The following NME7 variants were observed in gnomAD, a reference collection of about 807,000 sequenced individuals.
NME7 encodes the protein nucleoside diphosphate kinase 7.
In NME7, 41 loss-of-function variants were observed where a neutral mutation model predicts 49.1. The observed-to-expected ratio is 0.83, with a 90% CI of 0.65 to 1.08. The LOEUF is 1.08. Ranked by LOEUF, NME7 falls within the 50% of genes least tolerant of loss-of-function variation. The pLI is 0.00. For synonymous variants in NME7, 139 were observed against 150.6 expected, an observed-to-expected ratio of 0.92 and a Z score of 0.56; for missense variants, 423 against 463.4, an observed-to-expected ratio of 0.91 and a Z score of 0.80.
At chr1:169,216,634 A>G (rs1176848490) in intron 10 of NME7, among the ~76,000 whole-genome samples, 4 of 152,248 alleles carry the variant, frequency 2.6e-5, no homozygotes, top group Non-Finnish European at 5.9e-5. Flanking sequence ...ATTTATAGCA[A>G]GTCAGTAAAA....
intron 3 of NME7, among the ~76,000 whole-genome samples, chr1:169,320,665 C>T (rs1051632815): frequency 2.6e-5 from 4 of 152,006 alleles, no homozygotes; most frequent in Non-Finnish European, 4.4e-5. Flanking sequence ...ATTTAAATCA[C>T]CCAAATGGTT....
rs894606390 is a variant in NME7 at position 169,321,674 on chromosome 1, C to A, written c.278+1443G>T. Among the ~76,000 whole-genome samples, 10 of 152,100 alleles carry A rather than the reference C, an allele frequency of 6.6e-5. 1 individual carries two copies. Among genetic ancestry groups the A allele is most frequent in the African/African-American group, 2.4e-4 (10 of 41,414 alleles). On this transcript the variant is annotated intron_variant, in intron 3 of 11. Coordinates refer to ENST00000367811, the MANE Select transcript of NME7 (RefSeq NM_013330.5). ...ATCCATCACCATTTGTGTACTAACA[C>A]CCACACTAAGAATCCAATCACCTCA...
At chr1:169,200,483 A>C (rs1441980656) in intron 10 of NME7, among the ~76,000 whole-genome samples, 1 of 152,110 alleles carries the variant, frequency 6.6e-6, no homozygotes, top group Non-Finnish European at 1.5e-5. Context: ...TGTCCCTCCC[A>C]AGGCCAGCCA....
intron 10 of NME7, among the ~76,000 whole-genome samples, chr1:169,187,574 T>G (rs1157872430): frequency 6.6e-6 from 1 of 152,018 alleles, no homozygotes; most frequent in Admixed American, 6.6e-5. Context: ...CGAACCCTGC[T>G]TTTTTATTTT....
chr1:169,304,158 C>G (rs545216114), intron 4 of NME7, among the ~76,000 whole-genome samples: 1 of 152,096 alleles, frequency 6.6e-6, no homozygotes, highest in South Asian at 2.1e-4. Context: ...TTTATATTAC[C>G]ACTAAAGAAT....
chr1:169,264,966 A>G (rs1391150858), intron 7 of NME7, among the ~76,000 whole-genome samples: 2 of 133,348 alleles, frequency 1.5e-5, no homozygotes, highest in Non-Finnish European at 3.5e-5. Context: ...GGAAGCAAAC[A>G]TGTCCTTCAC....
At chr1:169,295,544 T>G (rs1650676204) in intron 6 of NME7, among the ~76,000 whole-genome samples, 1 of 152,188 alleles carries the variant, frequency 6.6e-6, no homozygotes. Flanking sequence ...TGTCTACTAC[T>G]AAGATATGGT....
At chr1:169,228,867 G>T (rs1175412593) in intron 10 of NME7, among the ~76,000 whole-genome samples, 1 of 151,896 alleles carries the variant, frequency 6.6e-6, no homozygotes, top group Non-Finnish European at 1.5e-5. Context: ...TCTCTCAATG[G>T]CCTTTGCAAC....
chr1:169,324,532 A>G, intron 1 of NME7, 32 bp from the exon 2 acceptor site: 1 of 1,338,428 alleles, frequency 7.5e-7, no homozygotes, highest in East Asian at 2.3e-5. Context: ...TTTTAACACT[A>G]ACATATAAAG....
intron 5 of NME7, chr1:169,302,138 T>A (rs1307580120): frequency 1.3e-5 from 2 of 151,032 alleles, no homozygotes; most frequent in Non-Finnish European, 3.0e-5. Context: ...GGGAACACAC[T>A]TATACACTGT....
At chr1:169,143,342 G>A (rs536389971) in intron 11 of NME7, among the ~76,000 whole-genome samples, 30 of 126,332 alleles carry the variant, frequency 2.4e-4, no homozygotes, top group African/African-American at 6.6e-4. Context: ...CCAATTCCCC[G>A]CATAAGGGCT....
At chr1:169,317,437 T>C (rs751861418) in intron 3 of NME7, among the ~76,000 whole-genome samples, 6 of 152,202 alleles carry the variant, frequency 3.9e-5, no homozygotes, top group Non-Finnish European at 7.3e-5. Flanking sequence ...GTTACACTGT[T>C]GTTGGGTCTA....
chr1:169,187,054 A>G (rs978302501), intron 10 of NME7, among the ~76,000 whole-genome samples: 2 of 152,106 alleles, frequency 1.3e-5, no homozygotes, highest in Non-Finnish European at 2.9e-5. Context: ...TTCAGTTTCC[A>G]TGTAGTTGTG....
chr1:169,164,466 C>G (rs1476926704), intron 11 of NME7, among the ~76,000 whole-genome samples: 1 of 152,092 alleles, frequency 6.6e-6, no homozygotes, highest in Non-Finnish European at 1.5e-5. Context: ...TTGCTAGGCA[C>G]AATGATATTT....
chr1:169,141,469 G>A (rs1343718670), intron 11 of NME7, among the ~76,000 whole-genome samples: 1 of 152,180 alleles, frequency 6.6e-6, no homozygotes, highest in African/African-American at 2.4e-5. Flanking sequence ...CAGTGATTCG[G>A]GAAAAGGATC....
rs561296477 is a variant in NME7 at position 169,207,270 on chromosome 1, A to T, written c.990+23448T>A. Among the ~76,000 whole-genome samples, 3 of 152,254 alleles carry T rather than the reference A, an allele frequency of 2.0e-5. No homozygotes were observed. The East Asian group carries it at 5.8e-4, about 29-fold the overall frequency. The stretch of plus-strand genomic sequence containing the variant: ...AAACTAACACAGTGAGAACTCAGTC[A>T]TTACCCTGAGGATGCCACCAAGCCA... On this transcript the variant is annotated intron_variant, in intron 10 of 11. Coordinates refer to ENST00000367811, the MANE Select transcript of NME7 (RefSeq NM_013330.5).
intron 10 of NME7, among the ~76,000 whole-genome samples, chr1:169,205,704 A>C (rs1001518399): frequency 2.0e-5 from 3 of 152,112 alleles, no homozygotes; most frequent in Admixed American, 6.6e-5. Flanking sequence ...CACTTTGTCT[A>C]TTCACCACAT....
intron 7 of NME7, among the ~76,000 whole-genome samples, chr1:169,269,974 C>A (rs1179762206): frequency 7.5e-6 from 1 of 133,020 alleles, no homozygotes; most frequent in African/African-American, 2.5e-5. Flanking sequence ...TCTTGCTATG[C>A]CGGCCTGGCT....
At chr1:169,226,259 T>C (rs1461758460) in intron 10 of NME7, among the ~76,000 whole-genome samples, 1 of 152,230 alleles carries the variant, frequency 6.6e-6, no homozygotes, top group Non-Finnish European at 1.5e-5. Flanking sequence ...TACTATTTAA[T>C]TATCAATTCT....
Sources: gnomAD v4.1 joint callset for allele counts (sites outside exome capture counted in the v4.1 genomes callset) on GRCh38, gnomAD v4.1.1 for gene constraint, MANE v1.5 for transcripts, NCBI Gene and HGNC (gene_info 2026-07-23, HGNC 2026-07-21) for gene names.